The following MANBA variants were observed in gnomAD, a reference collection of about 807,000 sequenced individuals.
The protein encoded by MANBA is mannosidase beta.
A neutral mutation model predicts 111.1 loss-of-function variants in MANBA; 83 were observed. The ratio of observed to expected loss-of-function variants is 0.75; its 90% CI spans 0.63 to 0.90. MANBA has a LOEUF of 0.90. Among genes scored for constraint, MANBA ranks in the 40% least tolerant of loss-of-function variants. MANBA has a pLI of 0.00. For synonymous variants in MANBA, 370 were observed against 378.7 expected (o/e 0.98, Z 0.27); for missense variants, 1,036 against 1,069.0 (o/e 0.97, Z 0.43).
intron 1 of MANBA, among the ~76,000 whole-genome samples, chr4:102,756,819 A>C (rs1165362986): frequency 3.3e-5 from 5 of 149,282 alleles, no homozygotes; most frequent in African/African-American, 1.2e-4. Flanking sequence ...AAAAAAAAAA[A>C]AAGAAGCAGT....
chr4:102,729,460 T>C (rs1483688179), intron 1 of MANBA: 3 of 1,289,602 alleles, frequency 2.3e-6, no homozygotes, highest in Non-Finnish European at 2.2e-6. Flanking sequence ...GTCCGAGATC[T>C]GGGACTGCAG....
intron 12 of MANBA, among the ~76,000 whole-genome samples, chr4:102,657,222 T>TTGC (rs10629916): frequency 1.9e-5 from 1 of 52,204 alleles, no homozygotes; most frequent in East Asian, 6.0e-4. Flanking sequence ...AGGAGTGGGG[T>TTGC]GGGGGGGGGG....
intron 16 of MANBA, chr4:102,633,524 A>G (rs1045345846): frequency 5.0e-6 from 2 of 397,998 alleles, no homozygotes; most frequent in Admixed American, 4.4e-5. Context: ...CCCTTGAGAA[A>G]AGAAGCCAAA....
chr4:102,704,510 T>C (rs1164625703), intron 5 of MANBA, among the ~76,000 whole-genome samples: 2 of 152,184 alleles, frequency 1.3e-5, no homozygotes, highest in East Asian at 1.9e-4. Flanking sequence ...ACTTAAATTT[T>C]AAAAATGAAT....
chr4:102,671,715 T>C (rs1194042257), intron 8 of MANBA, among the ~76,000 whole-genome samples: 1 of 152,242 alleles, frequency 6.6e-6, no homozygotes. Flanking sequence ...AAGTATGCAC[T>C]AATTTTATAC....
At chr4:102,728,470 G>A (rs912528175) in intron 1 of MANBA, 4 of 393,680 alleles carry the variant, frequency 1.0e-5, no homozygotes, top group Non-Finnish European at 1.5e-5. Context: ...ATGGTTTTTC[G>A]GAATACCCAT....
intron 1 of MANBA, chr4:102,727,905 C>T (rs898353188): frequency 8.8e-5 from 45 of 510,906 alleles, no homozygotes; most frequent in Non-Finnish European, 1.5e-4. Context: ...CTTTTCACTG[C>T]AGAGAATGGA....
At chr4:102,708,678 A>T (rs1004701012) in intron 5 of MANBA, among the ~76,000 whole-genome samples, 2 of 152,048 alleles carry the variant, frequency 1.3e-5, no homozygotes, top group Non-Finnish European at 2.9e-5. Flanking sequence ...TGAAATAGAG[A>T]CAAAAAAAAC....
intron 5 of MANBA, among the ~76,000 whole-genome samples, chr4:102,698,989 G>T (rs1732878040): frequency 1.3e-5 from 2 of 152,208 alleles, no homozygotes; most frequent in South Asian, 2.1e-4. Context: ...CTACCCATGA[G>T]TATGGAATGT....
chr4:102,727,720 A>G (rs1722864682), intron 1 of MANBA: 3 of 960,274 alleles, frequency 3.1e-6, no homozygotes, highest in Admixed American at 3.5e-5. Flanking sequence ...GTGTTTTCAG[A>G]GATGGTGCCT....
At chr4:102,645,734 A>G (rs1730075628) in intron 13 of MANBA, among the ~76,000 whole-genome samples, 1 of 151,908 alleles carries the variant, frequency 6.6e-6, no homozygotes, top group Non-Finnish European at 1.5e-5. Context: ...TTCCTCTTTC[A>G]TTCCTGACTT....
Position 102,750,905 on chromosome 4 carries a change from C to A in MANBA, c.177+9813G>T, listed in dbSNP as rs890789529. Among the ~76,000 whole-genome samples, 5 of 151,836 alleles carry A rather than the reference C, an allele frequency of 3.3e-5. No homozygotes were observed. The South Asian group carries it at 1.0e-3, about 32-fold the overall frequency. ...TTCAGCCTGGGTGACAGAGTAATAC[C>A]CTATCTCAAAAAACAAAAAAAATGA... On this transcript the variant is annotated intron_variant, in intron 1 of 16. Coordinates refer to ENST00000647097, the MANE Select transcript of MANBA (RefSeq NM_005908.4).
intron 1 of MANBA, among the ~76,000 whole-genome samples, chr4:102,742,713 G>C (rs948396735): frequency 6.6e-6 from 1 of 152,194 alleles, no homozygotes; most frequent in Admixed American, 6.5e-5. Context: ...TCCATGAATG[G>C]TAGTCTTGGC....
intron 5 of MANBA, among the ~76,000 whole-genome samples, chr4:102,693,275 C>T (rs1732565385): frequency 6.6e-6 from 1 of 152,136 alleles, no homozygotes. Flanking sequence ...ATCTAGCCCA[C>T]CTCTTGTTTT....
At chr4:102,736,360 T>A (rs1723215915) in intron 1 of MANBA, among the ~76,000 whole-genome samples, 1 of 152,208 alleles carries the variant, frequency 6.6e-6, no homozygotes, top group African/African-American at 2.4e-5. Context: ...CAACAAACCA[T>A]GTGTCATCAG....
chr4:102,754,103 C>T (rs1212745405), intron 1 of MANBA: 4 of 254,910 alleles, frequency 1.6e-5, no homozygotes, highest in African/African-American at 4.7e-5. Context: ...ATGAAATAAA[C>T]GTATAAAGGT....
At chr4:102,638,190 G>A (rs1242806477) in intron 14 of MANBA, among the ~76,000 whole-genome samples, 1 of 152,160 alleles carries the variant, frequency 6.6e-6, no homozygotes, top group Non-Finnish European at 1.5e-5. Flanking sequence ...TTGGGAAGCT[G>A]AGGAGGGTAG....
Position 102,722,858 on chromosome 4 carries a change from G to C in MANBA, c.549+13C>G. The C allele has an allele frequency of 6.2e-7, 1 of 1,613,474 alleles. No homozygotes were observed. The highest frequency in any genetic ancestry group is 8.5e-7 in the Non-Finnish European group (1 of 1,179,416). On this transcript the variant is annotated intron_variant, in intron 4 of 16. Coordinates refer to ENST00000647097, the MANE Select transcript of MANBA (RefSeq NM_005908.4). ...CTCAAAAATAAAACCCGACCTGTTT[G>C]AGAGACCATTACCTTCCGAACAAAG...
chr4:102,693,739 C>T (rs1732585102), intron 5 of MANBA, among the ~76,000 whole-genome samples: 1 of 152,146 alleles, frequency 6.6e-6, no homozygotes, highest in Non-Finnish European at 1.5e-5. Flanking sequence ...GATGCCTAAA[C>T]TATTTTACTA....
Sources: allele counts gnomAD v4.1 joint callset (sites outside exome capture counted in the v4.1 genomes callset), GRCh38; gene constraint gnomAD v4.1.1; transcripts MANE v1.5; gene names NCBI Gene and HGNC (gene_info 2026-07-23, HGNC 2026-07-21).